EME1: variants seen among roughly 807,000 people sequenced by gnomAD.
EME1 encodes essential meiotic structure-specific endonuclease 1.
Under a neutral mutation model 59.1 loss-of-function variants are expected in EME1, and 61 were observed. The ratio of observed to expected loss-of-function variants is 1.03; its 90% CI spans 0.84 to 1.28. The LOEUF is 1.28. EME1 is among the 50% of genes most tolerant of loss of function. EME1 has a pLI of 0.00. For synonymous variants in EME1, 230 were observed against 254.2 expected, an observed-to-expected ratio of 0.90 and a Z score of 0.90; for missense variants, 635 against 682.6, an observed-to-expected ratio of 0.93 and a Z score of 0.78.
At position 50,379,193 on chromosome 17, in the gene EME1, G is replaced by A. The variant is rs750739968; in HGVS notation, c.1199G>A (p.Gly400Glu). 4 of 1,614,154 alleles carry A rather than the reference G, an allele frequency of 2.5e-6. No homozygotes were observed. In the South Asian group the frequency reaches 3.3e-5, roughly 13 times the overall value. ...QQQRQPEASI[G>E]SMVSRVDAEE... ...CAGAGACAACCAGAGGCCAGCATAGGGTCCATGGTATCCAGGGTAGACGCT... is the reference window on the plus strand; with the variant it reads ...CAGAGACAACCAGAGGCCAGCATAGAGTCCATGGTATCCAGGGTAGACGCT... Residue 400 changes from glycine (G) to glutamate (E), a missense_variant, in exon 6 of 9, where the codon GGG becomes GAG. Physicochemically the swap from Gly to Glu is moderately conservative, Grantham distance 98. Transcript: ENST00000338165.
Position 50,381,164 on chromosome 17 carries a change from A to G in EME1, c.*225A>G. ...GGCATTTAATGTTCCTCTCCTGGCA[A>G]AAATTCACTGCCACAGACAAACCAC... On this transcript the variant is annotated 3_prime_UTR_variant, in exon 9 of 9. Coordinates refer to ENST00000338165, the MANE Select transcript of EME1 (RefSeq NM_152463.4). 1 of 561,438 alleles carries G rather than the reference A, an allele frequency of 1.8e-6. No individual in the cohort carries two copies. Among genetic ancestry groups the G allele is most frequent in the Non-Finnish European group, 3.1e-6 (1 of 320,738 alleles). The allele number at this position is 561,438 out of a possible 1,614,324, so 34.8% of individuals were successfully genotyped here.
intron 3 of EME1, among the ~76,000 whole-genome samples, chr17:50,377,411 C>T (rs1219953699): frequency 6.6e-6 from 1 of 152,180 alleles, no homozygotes. Context: ...ATAGGTCTTG[C>T]TTTGCTTATA....
intron 3 of EME1, 52 bp downstream of exon 3, chr17:50,376,245 G>A: frequency 6.3e-7 from 1 of 1,592,154 alleles, no homozygotes; most frequent in Non-Finnish European, 8.6e-7. Context: ...TACAATTACA[G>A]GATAAATATG....
Position 50,381,103 on chromosome 17 carries a change from G to C in EME1, c.*164G>C. ...TTTGTGAAGGTCTCTCTGCCTGTCG[G>C]CTGGGGCAGAGACTGAAATACTGCC... On this transcript the variant is annotated 3_prime_UTR_variant, in exon 9 of 9. Coordinates refer to ENST00000338165, the MANE Select transcript of EME1 (RefSeq NM_152463.4). The C allele has an allele frequency of 1.3e-6, 1 of 757,536 alleles. No homozygotes were observed. The highest frequency in any genetic ancestry group is 2.1e-6 in the Non-Finnish European group (1 of 483,066). 46.9% of individuals were successfully genotyped at this position (757,536 alleles called of 1,614,324 possible). A position where few individuals can be genotyped will look rare whatever the true frequency, so the allele number is the denominator to read the frequency against.
intron 3 of EME1, among the ~76,000 whole-genome samples, chr17:50,377,901 G>A (rs1234517313): frequency 2.0e-5 from 3 of 151,284 alleles, no homozygotes; most frequent in Admixed American, 6.6e-5. Context: ...GATTACAGGC[G>A]TGTACCACCA....
intron 8 of EME1, 70 bp downstream of exon 8, chr17:50,380,571 G>A: frequency 1.3e-6 from 2 of 1,580,058 alleles, no homozygotes; most frequent in Non-Finnish European, 1.7e-6. Flanking sequence ...AGATTTCCAT[G>A]GACAACTGTT....
In EME1 at chr17:50,379,436, G is replaced by T; in HGVS notation, c.1231-16G>T. The T allele has an allele frequency of 1.2e-6, 2 of 1,613,228 alleles. No homozygotes were observed. Among genetic ancestry groups the T allele is most frequent in the African/African-American group, 1.3e-5 (1 of 75,034 alleles). On this transcript the variant is annotated splice_polypyrimidine_tract_variant and intron_variant, in intron 6 of 8. Transcript: ENST00000338165. ...CTTCCTACCCTTCCAGTCCATCGTT[G>T]CTTTTGGGTTTCTAGGCATTGGTGG...
At position 50,380,819 on chromosome 17, in the gene EME1, G is replaced by A. The variant is rs34543262; in HGVS notation, c.1593G>A (p.Gln531=). 1,266 of 1,614,200 alleles carry A rather than the reference G, an allele frequency of 7.8e-4. 12 individuals are homozygous for A. The African/African-American group carries it at 0.015, about 19-fold the overall frequency. Residue 531 remains glutamine, a synonymous_variant, in exon 9 of 9, where the codon CAG becomes CAA. Coordinates refer to ENST00000338165, the MANE Select transcript of EME1 (RefSeq NM_152463.4). ...GCCAGAATTTGCTCGCAGACATACAGGTGCGCCGTGGGGAAGGTGTGACAT... is the reference window on the plus strand; with the variant it reads ...GCCAGAATTTGCTCGCAGACATACAAGTGCGCCGTGGGGAAGGTGTGACAT... ...KERQNLLADI[Q]VRRGEGVTST... is the part of the protein sequence containing the mutation.
At chr17:50,379,081 T>C (rs1180657488) in intron 5 of EME1, 26 bp from the exon 6 acceptor site, 3 of 1,614,012 alleles carry the variant, frequency 1.9e-6, no homozygotes, top group East Asian at 2.2e-5. Flanking sequence ...GGAGCTGCTG[T>C]TCTTTGATTT....
chr17:50,379,631 C>A (rs1598364152), intron 7 of EME1, 64 bp downstream of exon 7: 2 of 1,406,198 alleles, frequency 1.4e-6, no homozygotes, highest in Non-Finnish European at 2.0e-6. Flanking sequence ...CTCTTGCAGT[C>A]AAAGCAAATG....
intron 3 of EME1, 50 bp from the exon 4 acceptor site, chr17:50,378,545 C>A: frequency 6.3e-7 from 1 of 1,593,866 alleles, no homozygotes; most frequent in South Asian, 1.1e-5. Context: ...CACAGGTGCT[C>A]AATACCTGCT....
rs896140765 is a variant in EME1, at chr17:50,374,843, C to CA, written c.-24-330dup. On this transcript the variant is annotated intron_variant, in intron 1 of 8. Transcript: ENST00000338165. ...TGGGTGCCAGAGTGAGACTCCATCT[C>CA]AAAAAAAAAAAAGAAGAACTTTTGA... Among the ~76,000 whole-genome samples the CA allele has an allele frequency of 4.6e-3, 624 of 134,714 alleles. 3 individuals carry two copies. Among genetic ancestry groups the CA allele is most frequent in the Non-Finnish European group, 3.8e-3 (238 of 61,960 alleles). The allele number at this position is 134,714 out of a possible 152,430, so 88.4% of individuals were successfully genotyped here. A position where few individuals can be genotyped will look rare whatever the true frequency, so the allele number is the denominator to read the frequency against.
chr17:50,380,562 G>C lies in EME1; in HGVS notation c.1536+61G>C, dbSNP rs545785789. ...TGCCTGCGGGCTCAGTGGGCCCCCA[G>C]ATTTCCATGGACAACTGTTGAGGGC... On this transcript the variant is annotated intron_variant, in intron 8 of 8. Transcript: ENST00000338165. 4 of 1,585,564 alleles carry C rather than the reference G, an allele frequency of 2.5e-6. No individual in the cohort carries two copies. The African/African-American group carries it at 5.4e-5, about 21-fold the overall frequency.
At chr17:50,375,004 G>A in intron 1 of EME1, 181 bp from the exon 2 acceptor site, 1 of 505,106 alleles carries the variant, frequency 2.0e-6, no homozygotes, top group Non-Finnish European at 3.4e-6. Context: ...AATTTGAGGA[G>A]GATTCCTGTT....
chr17:50,379,939 ATGACCT>A, intron 7 of EME1: 1 of 290,918 alleles, frequency 3.4e-6, no homozygotes, highest in Non-Finnish European at 6.5e-6. Context: ...AAATAAGTAA[ATGACCT>A]CAGAGACAAT....
intron 1 of EME1, 93 bp from the exon 2 acceptor site, chr17:50,375,092 C>G: frequency 1.0e-6 from 1 of 973,322 alleles, no homozygotes; most frequent in Non-Finnish European, 1.5e-6. Context: ...TTCTCTATAT[C>G]TTATATTTAT....
Position 50,373,251 on chromosome 17 carries a change from T to C in EME1, c.-51T>C, listed in dbSNP as rs1172866490. On this transcript the variant is annotated 5_prime_UTR_variant, in exon 1 of 9. Coordinates refer to ENST00000338165, the MANE Select transcript of EME1 (RefSeq NM_152463.4). ...TCTACTTCCGGGCCCTGCGTGGCAG[T>C]TGAAAGAGTGGCGGGAGAAGTTGCA... 1.3e-6 allele frequency: 2 copies of C among 1,593,458 alleles called. No homozygotes were observed. Among genetic ancestry groups the C allele is most frequent in the Admixed American group, 1.7e-5 (1 of 57,644 alleles).
At chr17:50,379,681 C>G (rs1269397128) in intron 7 of EME1, 114 bp downstream of exon 7, 24 of 909,830 alleles carry the variant, frequency 2.6e-5, no homozygotes, top group African/African-American at 5.0e-5. Context: ...CATTGTCTCT[C>G]AAGCTTGAGG....
intron 1 of EME1, 68 bp downstream of exon 1, chr17:50,373,345 TCTTGGTGG>T (rs1386239496): frequency 3.6e-6 from 3 of 837,006 alleles, no homozygotes; most frequent in Non-Finnish European, 3.8e-6. Context: ...CTCTGCAGAA[TCTTGGTGG>T]CTAAGGTGTC....
Sources: gnomAD v4.1 joint callset for allele counts (sites outside exome capture counted in the v4.1 genomes callset) on GRCh38, gnomAD v4.1.1 for gene constraint, MANE v1.5 for transcripts, NCBI Gene and HGNC (gene_info 2026-07-23, HGNC 2026-07-21) for gene names.